Variants in TRAPPC9 observed in about 807,000 individuals in gnomAD.
TRAPPC9 encodes the protein trafficking protein particle complex subunit 9.
In TRAPPC9, 83 loss-of-function variants were observed where a neutral mutation model predicts 124.0. That is an observed-to-expected ratio of 0.67 (90% CI 0.56 to 0.80). TRAPPC9 has a LOEUF of 0.80. TRAPPC9 is among the 30% of genes least tolerant of loss of function. The pLI, the probability that TRAPPC9 is intolerant of heterozygous loss-of-function variation, is 0.00. For synonymous variants in TRAPPC9, 638 were observed against 617.5 expected (o/e 1.03, Z -0.49); for missense variants, 1,302 against 1,508.3 (o/e 0.86, Z 2.27).
At chr8:140,284,171 G>A (rs923344185) in intron 13 of TRAPPC9, 150 bp from the exon 14 acceptor site, 40 of 915,174 alleles carry the variant, frequency 4.4e-5, no homozygotes, top group South Asian at 1.9e-4. Context: ...CCACACTCCC[G>A]CCCTCAACCC....
chr8:139,759,295 C>T lies in TRAPPC9; in HGVS notation c.3056-27093G>A, dbSNP rs528057443. On this transcript the variant is annotated intron_variant, in intron 21 of 22. Coordinates refer to ENST00000438773, the MANE Select transcript of TRAPPC9 (RefSeq NM_001160372.4). ...GGAAGGGGCGGGGAGGAATACCTGC[C>T]GCTCACTGAGTGTTTATCATCTTCC... 3.3e-5 allele frequency among the ~76,000 whole-genome samples: 5 copies of T among 152,280 alleles called. No homozygotes were observed. In the South Asian group the frequency reaches 8.3e-4, roughly 25 times the overall value.
At chr8:140,101,070 T>A (rs1338773004) in intron 17 of TRAPPC9, among the ~76,000 whole-genome samples, 1 of 152,248 alleles carries the variant, frequency 6.6e-6, no homozygotes, top group Admixed American at 6.5e-5. Flanking sequence ...CATTTATGTT[T>A]TCTTATTTGT....
intron 17 of TRAPPC9, among the ~76,000 whole-genome samples, chr8:140,127,678 T>C (rs954564642): frequency 1.3e-5 from 2 of 152,268 alleles, no homozygotes; most frequent in Non-Finnish European, 2.9e-5. Context: ...TAATTTCATT[T>C]TATCAACAAA....
At chr8:139,911,553 A>C (rs1372656723) in intron 19 of TRAPPC9, among the ~76,000 whole-genome samples, 1 of 151,900 alleles carries the variant, frequency 6.6e-6, no homozygotes, top group African/African-American at 2.4e-5. Context: ...AAAAATACAA[A>C]AATAAGCCAG....
intron 19 of TRAPPC9, among the ~76,000 whole-genome samples, chr8:139,942,161 T>C (rs1587292714): frequency 6.6e-6 from 1 of 152,306 alleles, no homozygotes; most frequent in African/African-American, 2.4e-5. Context: ...TGACTCGGGA[T>C]GGTAATAACA....
chr8:140,264,482 G>A (rs902401736), intron 15 of TRAPPC9, among the ~76,000 whole-genome samples: 16 of 152,028 alleles, frequency 1.1e-4, no homozygotes, highest in South Asian at 2.1e-4. Flanking sequence ...TTATTCACCC[G>A]GGGAATTGTT....
intron 9 of TRAPPC9, among the ~76,000 whole-genome samples, chr8:140,319,245 G>C (rs1431297769): frequency 7.6e-6 from 1 of 131,582 alleles, no homozygotes; most frequent in Non-Finnish European, 1.6e-5. Flanking sequence ...GCGCGATCTC[G>C]GCTCACTGCA....
At chr8:139,898,815 T>C (rs1830828467) in intron 20 of TRAPPC9, among the ~76,000 whole-genome samples, 1 of 151,692 alleles carries the variant, frequency 6.6e-6, no homozygotes, top group African/African-American at 2.4e-5. Context: ...GAGAAAAAAA[T>C]ACACATTGAA....
chr8:140,218,319 T>C (rs886704423), intron 17 of TRAPPC9, among the ~76,000 whole-genome samples: 5 of 152,048 alleles, frequency 3.3e-5, no homozygotes, highest in African/African-American at 1.2e-4. Context: ...CAGAATTGCT[T>C]AGTGGGAAGC....
chr8:139,864,205 A>G (rs1828366565), intron 21 of TRAPPC9, among the ~76,000 whole-genome samples: 1 of 152,192 alleles, frequency 6.6e-6, no homozygotes, highest in African/African-American at 2.4e-5. Flanking sequence ...ATTCACTGGT[A>G]CAGTAAGTCC....
chr8:139,942,375 C>A (rs1384505269), intron 19 of TRAPPC9, among the ~76,000 whole-genome samples: 4 of 129,630 alleles, frequency 3.1e-5, no homozygotes, highest in Non-Finnish European at 5.0e-5. Flanking sequence ...GGTCATTGGT[C>A]ATTTTATTTT....
At chr8:139,917,084 C>A (rs540283112) in intron 19 of TRAPPC9, among the ~76,000 whole-genome samples, 1 of 151,732 alleles carries the variant, frequency 6.6e-6, no homozygotes, top group East Asian at 1.9e-4. Flanking sequence ...GTATGGATCA[C>A]GCCCTGAGAG....
intron 18 of TRAPPC9, among the ~76,000 whole-genome samples, chr8:140,018,302 C>G (rs1328379921): frequency 7.1e-6 from 1 of 140,414 alleles, no homozygotes; most frequent in African/African-American, 2.6e-5. Flanking sequence ...TTGTTAGTTG[C>G]TGGTATATAG....
At chr8:140,022,616 G>T (rs967452917) in intron 18 of TRAPPC9, among the ~76,000 whole-genome samples, 2 of 152,208 alleles carry the variant, frequency 1.3e-5, no homozygotes, top group Non-Finnish European at 1.5e-5. Context: ...AGCAGGAGAT[G>T]AGGGGATGAG....
At chr8:140,057,890 A>G (rs1425238386) in intron 17 of TRAPPC9, among the ~76,000 whole-genome samples, 1 of 152,258 alleles carries the variant, frequency 6.6e-6, no homozygotes, top group Non-Finnish European at 1.5e-5. Flanking sequence ...TAGGTGGCCC[A>G]GCGTCTGATC....
At position 140,405,403 on chromosome 8, in the gene TRAPPC9, T is replaced by C. The variant is rs2069454553; in HGVS notation, c.1008+174A>G. The C allele has an allele frequency of 5.9e-6, 4 of 680,924 alleles. No individual in the cohort carries two copies. In the South Asian group the frequency reaches 6.1e-5, roughly 10 times the overall value. The allele number at this position is 680,924 out of a possible 1,614,324, so 42.2% of individuals were successfully genotyped here. On this transcript the variant is annotated intron_variant, in intron 6 of 22. Transcript: ENST00000438773. ...TTATTATACTAAACCTACACTGTTT[T>C]GAATCAGAAAAAGAAAACATTTTAG...
chr8:140,012,702 A>G (rs1488532446), intron 18 of TRAPPC9, among the ~76,000 whole-genome samples: 1 of 152,036 alleles, frequency 6.6e-6, no homozygotes, highest in African/African-American at 2.4e-5. Context: ...GAACAACACC[A>G]AGCTCGTTCT....
intron 16 of TRAPPC9, among the ~76,000 whole-genome samples, chr8:140,226,896 C>CT (rs920327017): frequency 9.9e-5 from 15 of 151,992 alleles, no homozygotes; most frequent in Non-Finnish European, 1.9e-4. Flanking sequence ...AATTTGCCTC[C>CT]TTTTTGGACA....
intron 21 of TRAPPC9, among the ~76,000 whole-genome samples, chr8:139,745,230 T>A (rs1818812067): frequency 6.6e-6 from 1 of 152,170 alleles, no homozygotes; most frequent in African/African-American, 2.4e-5. Context: ...GCTTTATGGC[T>A]TGGATGTGAG....
Sources: allele counts gnomAD v4.1 joint callset (sites outside exome capture counted in the v4.1 genomes callset), GRCh38; gene constraint gnomAD v4.1.1; transcripts MANE v1.5; gene names NCBI Gene and HGNC (gene_info 2026-07-23, HGNC 2026-07-21).